The following COL11A1 variants were observed in gnomAD, a reference collection of about 807,000 sequenced individuals.
The protein encoded by COL11A1 is collagen alpha-1(XI) chain.
A neutral mutation model predicts 265.2 loss-of-function variants in COL11A1; 74 were observed. The observed-to-expected ratio is 0.28, with a 90% CI of 0.23 to 0.34. The LOEUF is 0.34. Ranked by LOEUF, COL11A1 falls within the 10% of genes least tolerant of loss-of-function variation. COL11A1 has a pLI of 1.00. For missense variants in COL11A1, 2,165 were observed against 2,263.6 expected (o/e 0.96, Z 0.88); for synonymous variants, 816 against 727.6 (o/e 1.12, Z -1.96).
At chr1:103,030,385 A>T (rs1453167016) in intron 5 of COL11A1, among the ~76,000 whole-genome samples, 1 of 152,086 alleles carries the variant, frequency 6.6e-6, no homozygotes, top group Non-Finnish European at 1.5e-5. Flanking sequence ...CAGAACTAAC[A>T]ATTAAGATAA....
intron 41 of COL11A1, among the ~76,000 whole-genome samples, chr1:102,951,359 A>G (rs1659854470): frequency 6.6e-6 from 1 of 152,194 alleles, no homozygotes; most frequent in South Asian, 2.1e-4. Flanking sequence ...ACTATAATGC[A>G]TTTGTGTTTT....
chr1:103,086,333 AT>A (rs1331517138), intron 1 of COL11A1, among the ~76,000 whole-genome samples: 12 of 152,172 alleles, frequency 7.9e-5, no homozygotes, highest in Middle Eastern at 3.4e-3. Context: ...AACAAAATGC[AT>A]CCCCACTGTC....
intron 4 of COL11A1, among the ~76,000 whole-genome samples, chr1:103,047,510 C>G (rs552795103): frequency 6.6e-6 from 1 of 152,096 alleles, no homozygotes; most frequent in East Asian, 1.9e-4. Context: ...TGGGCTGAGA[C>G]GATGGGGTTT....
chr1:102,890,420 T>G (rs1312915629), intron 58 of COL11A1, 31 bp downstream of exon 58: 1 of 1,574,468 alleles, frequency 6.4e-7, no homozygotes, highest in Non-Finnish European at 8.7e-7. Context: ...AAGCATATTC[T>G]TTTATTAATA....
chr1:103,002,282 A>T (rs531027313), intron 23 of COL11A1, 146 bp downstream of exon 23: 130 of 849,420 alleles, frequency 1.5e-4, no homozygotes, highest in East Asian at 5.3e-4. Flanking sequence ...AAATTTTTTT[A>T]AAAAAAGAAA....
chr1:103,102,292 C>A (rs1265985575), intron 1 of COL11A1, among the ~76,000 whole-genome samples: 1 of 151,918 alleles, frequency 6.6e-6, no homozygotes, highest in Non-Finnish European at 1.5e-5. Context: ...AGGAATATGT[C>A]CTCATGTAGA....
At chr1:103,078,625 A>G (rs926823338) in intron 3 of COL11A1, 33 bp downstream of exon 3, 1 of 1,580,660 alleles carries the variant, frequency 6.3e-7, no homozygotes, top group Non-Finnish European at 8.7e-7. Flanking sequence ...TGATTTTGGC[A>G]TAGCTAAAAC....
At chr1:103,067,734 A>G (rs939399387) in intron 4 of COL11A1, among the ~76,000 whole-genome samples, 8 of 151,800 alleles carry the variant, frequency 5.3e-5, no homozygotes, top group African/African-American at 1.7e-4. Flanking sequence ...GGGAAAATAC[A>G]AATTATTAAT....
intron 7 of COL11A1, among the ~76,000 whole-genome samples, chr1:103,024,136 T>C (rs1340518928): frequency 6.6e-6 from 1 of 152,144 alleles, no homozygotes; most frequent in African/African-American, 2.4e-5. Context: ...TTGCTACTTT[T>C]TATTTTTTGA....
At chr1:102,963,693 G>T (rs1234603131) in intron 38 of COL11A1, among the ~76,000 whole-genome samples, 1 of 151,744 alleles carries the variant, frequency 6.6e-6, no homozygotes, top group African/African-American at 2.4e-5. Context: ...CCCAATTTGG[G>T]TATACATTTC....
chr1:102,972,422 A>G (rs554342499), intron 36 of COL11A1, among the ~76,000 whole-genome samples: 1 of 152,304 alleles, frequency 6.6e-6, no homozygotes, highest in African/African-American at 2.4e-5. Context: ...AGAATGCAAC[A>G]TAATATTTAA....
chr1:103,061,183 G>A (rs1318831617), intron 4 of COL11A1, among the ~76,000 whole-genome samples: 1 of 152,036 alleles, frequency 6.6e-6, no homozygotes, highest in Non-Finnish European at 1.5e-5. Context: ...ATGATAATAA[G>A]GGTAAAAAGG....
intron 1 of COL11A1, among the ~76,000 whole-genome samples, chr1:103,091,875 T>G (rs1673352807): frequency 6.6e-6 from 1 of 152,076 alleles, no homozygotes; most frequent in Admixed American, 6.5e-5. Flanking sequence ...ATCAGTAACC[T>G]GGAGTTTTAG....
At chr1:103,028,243 A>T (rs1004108857) in intron 5 of COL11A1, among the ~76,000 whole-genome samples, 1 of 152,070 alleles carries the variant, frequency 6.6e-6, no homozygotes, top group African/African-American at 2.4e-5. Flanking sequence ...CAAGTTGGCC[A>T]GGCTGCTCTT....
At chr1:103,102,412 T>C (rs755622994) in intron 1 of COL11A1, among the ~76,000 whole-genome samples, 61 of 151,996 alleles carry the variant, frequency 4.0e-4, no homozygotes, top group Admixed American at 2.0e-3. Flanking sequence ...AGCGTTTATC[T>C]CTCTTCTTTG....
chr1:102,927,478 A>G (rs1656735597), intron 46 of COL11A1, among the ~76,000 whole-genome samples: 1 of 152,120 alleles, frequency 6.6e-6, no homozygotes, highest in Admixed American at 6.6e-5. Flanking sequence ...GCACTTTGGG[A>G]GGCTGAGGTG....
intron 54 of COL11A1, among the ~76,000 whole-genome samples, chr1:102,907,661 T>G (rs1169324509): frequency 1.3e-5 from 2 of 152,084 alleles, no homozygotes; most frequent in Non-Finnish European, 2.9e-5. Flanking sequence ...CAGTTCAACG[T>G]TATATACACA....
chr1:102,974,905 G>A (rs754980675), intron 35 of COL11A1, 22 bp from the exon 36 acceptor site: 1 of 1,601,032 alleles, frequency 6.2e-7, no homozygotes, highest in Admixed American at 1.7e-5. Context: ...AAGCAGTGGG[G>A]AGAAGTTAAC....
intron 54 of COL11A1, among the ~76,000 whole-genome samples, chr1:102,906,316 GTC>G (rs1234624797): frequency 6.6e-6 from 1 of 152,170 alleles, no homozygotes; most frequent in Non-Finnish European, 1.5e-5. Context: ...CAGCATTCTG[GTC>G]TCTACTTTTC....
Sources: allele counts gnomAD v4.1 joint callset (sites outside exome capture counted in the v4.1 genomes callset), GRCh38; gene constraint gnomAD v4.1.1; transcripts MANE v1.5; gene names NCBI Gene and HGNC (gene_info 2026-07-23, HGNC 2026-07-21).